Variants in GALNT15 observed in about 807,000 individuals in gnomAD.
GALNT15 encodes the protein polypeptide N-acetylgalactosaminyltransferase 15, also known as UDP-GalNAc transferase T15.
Under a neutral mutation model 66.8 loss-of-function variants are expected in GALNT15, and 67 were observed. That is an observed-to-expected ratio of 1.00 (90% CI 0.82 to 1.23). The LOEUF (loss-of-function observed/expected upper bound fraction) is 1.23, where lower values mean the gene tolerates loss of function less well. Ranked by LOEUF, GALNT15 falls within the 50% of genes most tolerant of loss-of-function variation. The pLI, the probability that GALNT15 is intolerant of heterozygous loss-of-function variation, is 0.00. For synonymous variants in GALNT15, 313 were observed against 311.5 expected, an observed-to-expected ratio of 1.00 and a Z score of -0.05; for missense variants, 827 against 804.3, an observed-to-expected ratio of 1.03 and a Z score of -0.34.
At position 16,186,221 on chromosome 3, in the gene GALNT15, A is replaced by T. The variant is rs2124846110; in HGVS notation, c.540-9539A>T. 6.6e-6 allele frequency among the ~76,000 whole-genome samples: 1 copy of T among 152,348 alleles called. No individual in the cohort carries two copies. Among genetic ancestry groups the T allele is most frequent in the African/African-American group, 2.4e-5 (1 of 41,586 alleles). ...TGTTCAAATCATTAGTCAGTAGGAA[A>T]ATACAAATCAAAACCACAATGAGAT... On this transcript the variant is annotated intron_variant, in intron 1 of 9. Transcript: ENST00000339732. The surrounding 1 kb of genome is among the most constrained non-coding windows in gnomAD (Gnocchi z 5.1).
chr3:16,237,121 A>G, the GALNT15 span, among the ~76,000 whole-genome samples: 3 of 152,220 alleles, frequency 2.0e-5, no homozygotes, highest in African/African-American at 7.2e-5. This position sits in a 1 kb window ranked among gnomAD's most constrained non-coding sequence, Gnocchi z 4.2. Context: ...GACAAAAGCA[A>G]TAACCTCTGG....
Position 16,184,270 on chromosome 3 carries a change from C to T in GALNT15, c.539+8580C>T, listed in dbSNP as rs111567074. Among the ~76,000 whole-genome samples the T allele has an allele frequency of 2.5e-3, 378 of 152,318 alleles. No individual in the cohort carries two copies. Among genetic ancestry groups the T allele is most frequent in the Non-Finnish European group, 4.3e-3 (293 of 68,026 alleles). On this transcript the variant is annotated intron_variant, in intron 1 of 9. Coordinates refer to ENST00000339732, the MANE Select transcript of GALNT15 (RefSeq NM_054110.5). This position sits in a 1 kb window ranked among gnomAD's most constrained non-coding sequence, Gnocchi z 5.0. The stretch of plus-strand genomic sequence containing the variant: ...CAGAGAAGTTAGCCTCATTATTTAA[C>T]AATAAAAACATACATTTCTTCCTGG...
Position 16,227,598 on chromosome 3 carries a change from G to C in GALNT15, c.*98G>C, listed in dbSNP as rs752673741. The C allele has an allele frequency of 3.7e-6, 6 of 1,602,688 alleles. No individual in the cohort carries two copies. The African/African-American group carries it at 8.1e-5, about 22-fold the overall frequency. On this transcript the variant is annotated 3_prime_UTR_variant, in exon 10 of 10. Transcript: ENST00000339732. This position sits in a 1 kb window ranked among gnomAD's most constrained non-coding sequence, Gnocchi z 4.5. ...TATTTCATGAAGCTGATCCTTTTGT[G>C]TGTGTGCTCCTGGTGTTAGGAGAGA...
intron 8 of GALNT15, among the ~76,000 whole-genome samples, chr3:16,220,506 A>T (rs893167313): frequency 6.6e-6 from 1 of 152,190 alleles, no homozygotes; most frequent in African/African-American, 2.4e-5. Flanking sequence ...CAAAATTTTC[A>T]TCATGGAGTA....
intron 2 of GALNT15, among the ~76,000 whole-genome samples, chr3:16,196,184 C>T (rs1314011143): frequency 3.9e-5 from 6 of 152,074 alleles, no homozygotes; most frequent in African/African-American, 7.2e-5. Context: ...TGAGGGGTGT[C>T]GCCTCAGCCT....
rs777061996 is a variant in GALNT15, at chr3:16,195,977, G to A, written c.706+51G>A. 53 of 1,584,648 alleles carry A rather than the reference G, an allele frequency of 3.3e-5. No individual in the cohort carries two copies. The highest frequency in any genetic ancestry group is 6.9e-5 in the Admixed American group (4 of 58,116). On this transcript the variant is annotated intron_variant, in intron 2 of 9. Coordinates refer to ENST00000339732, the MANE Select transcript of GALNT15 (RefSeq NM_054110.5). This position sits in a 1 kb window ranked among gnomAD's most constrained non-coding sequence, Gnocchi z 4.6. Reference sequence around the variant, plus strand: ...GTCTGGGTGAGCCTTACCCCCTGGCGGGTGGAGTTCTCAAGCAAAAGATTG... The same window carrying A: ...GTCTGGGTGAGCCTTACCCCCTGGCAGGTGGAGTTCTCAAGCAAAAGATTG...
At chr3:16,243,441 G>A in the GALNT15 span, among the ~76,000 whole-genome samples, 4 of 152,216 alleles carry the variant, frequency 2.6e-5, no homozygotes, top group East Asian at 3.8e-4. Flanking sequence ...TGCAGTGGGC[G>A]CCCAGGGAGC....
the GALNT15 span, among the ~76,000 whole-genome samples, chr3:16,240,853 G>GCC: frequency 6.6e-6 from 1 of 152,110 alleles, no homozygotes; most frequent in Non-Finnish European, 1.5e-5. Context: ...CTGACTACAA[G>GCC]TTCCTCCCTG....
Position 16,195,677 on chromosome 3 carries a change from G to A in GALNT15, c.540-83G>A. 2.3e-6 allele frequency: 3 copies of A among 1,311,412 alleles called. No homozygotes were observed. Among genetic ancestry groups the A allele is most frequent in the East Asian group, 2.3e-5 (1 of 42,894 alleles). The allele number at this position is 1,311,412 out of a possible 1,614,324, so 81.2% of individuals were successfully genotyped here. On this transcript the variant is annotated intron_variant, in intron 1 of 9. Coordinates refer to ENST00000339732, the MANE Select transcript of GALNT15 (RefSeq NM_054110.5). This position sits in a 1 kb window ranked among gnomAD's most constrained non-coding sequence, Gnocchi z 4.6. ...CATATAATGGGGGCAGCTCCAGCCAGAGCAAAGGAAGCGAGTTAGAGGGTG... is the reference window on the plus strand; with the variant it reads ...CATATAATGGGGGCAGCTCCAGCCAAAGCAAAGGAAGCGAGTTAGAGGGTG...
At chr3:16,199,340 C>A (rs779730854) in intron 2 of GALNT15, among the ~76,000 whole-genome samples, 2 of 142,120 alleles carry the variant, frequency 1.4e-5, no homozygotes, top group East Asian at 4.2e-4. Flanking sequence ...TAGAATCAAC[C>A]TTCCTAACCG....
In GALNT15 at chr3:16,203,543, T is replaced by TCACACACACACACACACA. The variant is rs1164976010; in HGVS notation, c.911+2749_911+2766dup. ...CATTCTCTCTCTCTCTCTCTCTCTCTCACACACACACACACACACACACAC... is the reference window on the plus strand; with the variant it reads ...CATTCTCTCTCTCTCTCTCTCTCTCTCACACACACACACACACACACACACACACACACACACACACAC... On this transcript the variant is annotated intron_variant, in intron 3 of 9. Transcript: ENST00000339732. The surrounding 1 kb of genome is among the most constrained non-coding windows in gnomAD (Gnocchi z 6.2). 3.3e-5 allele frequency among the ~76,000 whole-genome samples: 2 copies of TCACACACACACACACACA among 61,106 alleles called. No homozygotes were observed. Among genetic ancestry groups the TCACACACACACACACACA allele is most frequent in the African/African-American group, 1.1e-4 (2 of 18,252 alleles). The allele number at this position is 61,106 out of a possible 152,430, so 40.1% of individuals were successfully genotyped here.
At chr3:16,194,115 G>C (rs2063607745) in intron 1 of GALNT15, among the ~76,000 whole-genome samples, 1 of 152,280 alleles carries the variant, frequency 6.6e-6, no homozygotes, top group South Asian at 2.1e-4. Flanking sequence ...GCTGCCACTT[G>C]CCAGCAATGT....
chr3:16,245,830 G>A, the GALNT15 span, among the ~76,000 whole-genome samples: 13 of 152,226 alleles, frequency 8.5e-5, no homozygotes, highest in Non-Finnish European at 1.5e-4. Context: ...ATATCATAAT[G>A]AGAAAGTGTT....
intron 6 of GALNT15, among the ~76,000 whole-genome samples, chr3:16,216,752 C>T (rs919626883): frequency 6.6e-6 from 1 of 152,170 alleles, no homozygotes. Flanking sequence ...TGAAATTTTT[C>T]GCATGCTCAC....
chr3:16,196,505 G>C (rs780216806), intron 2 of GALNT15, among the ~76,000 whole-genome samples: 1 of 152,156 alleles, frequency 6.6e-6, no homozygotes, highest in Non-Finnish European at 1.5e-5. Context: ...TCCTCTCACA[G>C]GAACCTGGCT....
At chr3:16,220,203 A>G (rs1033018297) in intron 8 of GALNT15, 189 bp downstream of exon 8, 1 of 598,064 alleles carries the variant, frequency 1.7e-6, no homozygotes, top group Admixed American at 2.9e-5. Flanking sequence ...ATCTGTAAGC[A>G]CAGACATGTG....
At chr3:16,245,035 C>G in the GALNT15 span, among the ~76,000 whole-genome samples, 1 of 152,106 alleles carries the variant, frequency 6.6e-6, no homozygotes, top group Non-Finnish European at 1.5e-5. Context: ...ATCCAGGGAG[C>G]AAGCACCCTG....
intron 1 of GALNT15, among the ~76,000 whole-genome samples, chr3:16,185,381 T>A (rs561118464): frequency 6.6e-6 from 1 of 152,376 alleles, no homozygotes; most frequent in South Asian, 2.1e-4. Context: ...CACTTATATC[T>A]GCAAGGACTT....
Position 16,229,506 on chromosome 3 carries a change from C to T in GALNT15, c.*2006C>T, listed in dbSNP as rs1575003697. 2.0e-6 allele frequency: 2 copies of T among 984,746 alleles called. No homozygotes were observed. Among genetic ancestry groups the T allele is most frequent in the East Asian group, 2.3e-4 (2 of 8,816 alleles). 61.0% of individuals were successfully genotyped at this position (984,746 alleles called of 1,614,324 possible). ...TTCATTATCCCATCTAGAGAAGAGA[C>T]TTTAGTCACTGTCTTCTTGCTTCAG... On this transcript the variant is annotated 3_prime_UTR_variant, in exon 10 of 10. Coordinates refer to ENST00000339732, the MANE Select transcript of GALNT15 (RefSeq NM_054110.5).
Sources: gnomAD v4.1 joint callset for allele counts (sites outside exome capture counted in the v4.1 genomes callset) on GRCh38, gnomAD v4.1.1 for gene constraint, Gnocchi (gnomAD v3.1) non-coding constraint, MANE v1.5 for transcripts, NCBI Gene and HGNC (gene_info 2026-07-23, HGNC 2026-07-21) for gene names.